Variants in KDM2B observed in about 807,000 individuals in gnomAD.
The protein encoded by KDM2B is lysine-specific demethylase 2B.
KDM2B carries 26 observed loss-of-function variants against 150.0 expected under a neutral mutation model. The ratio of observed to expected loss-of-function variants is 0.17; its 90% CI spans 0.13 to 0.24. KDM2B has a LOEUF of 0.24. Ranked by LOEUF, KDM2B falls within the 10% of genes least tolerant of loss-of-function variation. The pLI is 1.00. For missense variants in KDM2B, 1,265 were observed against 1,816.9 expected, an observed-to-expected ratio of 0.70 and a Z score of 5.52; for synonymous variants, 734 against 729.5, an observed-to-expected ratio of 1.01 and a Z score of -0.10.
At chr12:121,429,032 T>C (rs1467000704), downstream of KDM2B, 2 of 152,556 alleles carry the variant, frequency 1.3e-5, no homozygotes, top group East Asian at 3.8e-4. Context: ...ACAGCTTGCT[T>C]GCTTTCTGAA....
chr12:121,579,054 C>A, intron 1 of KDM2B, 108 bp from the exon 2 acceptor site: 1 of 1,245,548 alleles, frequency 8.0e-7, no homozygotes, highest in Middle Eastern at 2.0e-4. Context: ...GCCCCCTGCA[C>A]CCCACCATTG....
intron 11 of KDM2B, among the ~76,000 whole-genome samples, chr12:121,495,086 C>T (rs1555300719): frequency 6.6e-6 from 1 of 151,666 alleles, no homozygotes; most frequent in Non-Finnish European, 1.5e-5. Context: ...CATCCTTGAC[C>T]ACCTGGATCA....
At chr12:121,488,957 C>T (rs1003309717) in intron 12 of KDM2B, among the ~76,000 whole-genome samples, 2 of 152,114 alleles carry the variant, frequency 1.3e-5, no homozygotes, top group Non-Finnish European at 2.9e-5. Context: ...TACAGGCGTA[C>T]ACCACCACGC....
chr12:121,548,068 T>C (rs1394645243), intron 6 of KDM2B, among the ~76,000 whole-genome samples: 1 of 152,172 alleles, frequency 6.6e-6, no homozygotes, highest in African/African-American at 2.4e-5. Flanking sequence ...TGTTAAATAA[T>C]CAGTCTCAGG....
intron 8 of KDM2B, among the ~76,000 whole-genome samples, chr12:121,530,218 A>T (rs1338114968): frequency 8.0e-6 from 1 of 124,822 alleles, no homozygotes; most frequent in Non-Finnish European, 1.6e-5. Flanking sequence ...ACAGAGCAAG[A>T]CTCCCTCTCA....
intron 4 of KDM2B, among the ~76,000 whole-genome samples, chr12:121,563,428 G>A (rs1341913114): frequency 6.6e-6 from 1 of 151,714 alleles, no homozygotes; most frequent in Non-Finnish European, 1.5e-5. Context: ...CCAATATGGT[G>A]AAACCCCATC....
At chr12:121,440,111 C>G (rs781917053) in intron 21 of KDM2B, 36 bp from the exon 22 acceptor site, 1 of 1,523,628 alleles carries the variant, frequency 6.6e-7, no homozygotes, top group Non-Finnish European at 8.9e-7. Flanking sequence ...ACCCGTCAAT[C>G]TGACCGAGGA....
At chr12:121,558,455 C>CT (rs62698361) in intron 4 of KDM2B, among the ~76,000 whole-genome samples, 61,815 of 135,476 alleles carry the variant, frequency 0.46, 15,066 homozygotes, top group African/African-American at 0.62. Flanking sequence ...TTTTCTTTTT[C>CT]TTTTTTTTTT....
rs1204535789 is a variant in KDM2B at position 121,429,573 on chromosome 12, C to T, written c.*715G>A. Reference sequence around the variant, plus strand: ...ATAATTTACATTTATCCACAACATGCTCATGTAACTCTTGAGGTACAAAGC... The same window carrying T: ...ATAATTTACATTTATCCACAACATGTTCATGTAACTCTTGAGGTACAAAGC... On this transcript the variant is annotated 3_prime_UTR_variant, in exon 23 of 23. Coordinates refer to ENST00000377071, the MANE Select transcript of KDM2B (RefSeq NM_032590.5). 1 of 167,790 alleles carries T rather than the reference C, an allele frequency of 6.0e-6. No homozygotes were observed. The highest frequency in any genetic ancestry group is 1.3e-5 in the Non-Finnish European group (1 of 77,696). The allele number at this position is 167,790 out of a possible 1,614,324, so 10.4% of individuals were successfully genotyped here. A position where few individuals can be genotyped will look rare whatever the true frequency, so the allele number is the denominator to read the frequency against.
At chr12:121,528,748 C>T (rs535713954) in intron 8 of KDM2B, among the ~76,000 whole-genome samples, 1 of 152,152 alleles carries the variant, frequency 6.6e-6, no homozygotes, top group Admixed American at 6.5e-5. Flanking sequence ...CAAAAATTAG[C>T]CAGGCGTGGC....
intron 8 of KDM2B, among the ~76,000 whole-genome samples, chr12:121,523,950 C>T (rs60509490): frequency 5.3e-5 from 8 of 152,180 alleles, no homozygotes; most frequent in East Asian, 1.9e-4. Flanking sequence ...TCTCCACATC[C>T]GCTTCAGTCT....
At chr12:121,472,271 G>A (rs1555296028) in intron 12 of KDM2B, among the ~76,000 whole-genome samples, 3 of 152,130 alleles carry the variant, frequency 2.0e-5, no homozygotes, top group Non-Finnish European at 2.9e-5. Flanking sequence ...CCCCCTTAAC[G>A]GCAAAAGCAG....
chr12:121,580,866 G>T lies in KDM2B; in HGVS notation c.46C>A (p.Arg16=), dbSNP rs376781406. The stretch of plus-strand genomic sequence containing the variant: ...TGCTTTTCTGCTGCATGTCTTTTTC[G>T]TGGGGGGTGATCCTCTGCAGATCCC... ...MGGSAEDHPP[R]KRHAAEKQKK... Residue 16 remains arginine, a synonymous_variant, in exon 1 of 23, where the codon CGA becomes AGA. Transcript: ENST00000377071. 3.1e-6 allele frequency: 5 copies of T among 1,613,762 alleles called. No individual in the cohort carries two copies. The highest frequency in any genetic ancestry group is 4.2e-6 in the Non-Finnish European group (5 of 1,179,896).
chr12:121,571,496 C>T (rs1340049945), intron 4 of KDM2B, among the ~76,000 whole-genome samples: 1 of 151,870 alleles, frequency 6.6e-6, no homozygotes, highest in Non-Finnish European at 1.5e-5. Context: ...ATCATGTTGG[C>T]CAGGCTGGTC....
chr12:121,422,537 C>T, the KDM2B span, among the ~76,000 whole-genome samples: 3 of 152,190 alleles, frequency 2.0e-5, no homozygotes, highest in African/African-American at 7.2e-5. Context: ...GAACTAAGAC[C>T]CCAGATCACA....
At chr12:121,560,776 C>G (rs80129197) in intron 4 of KDM2B, among the ~76,000 whole-genome samples, 5,324 of 152,186 alleles carry the variant, frequency 0.035, 242 homozygotes, top group South Asian at 0.14. Context: ...GGCTGAGTCT[C>G]TAAGCAAGAG....
At chr12:121,550,235 G>A (rs142019749) in intron 4 of KDM2B, among the ~76,000 whole-genome samples, 3,322 of 151,982 alleles carry the variant, frequency 0.022, 91 homozygotes, top group African/African-American at 0.07. Context: ...GCTTGAACCC[G>A]GAAGGCAGAG....
chr12:121,421,371 T>TAAAAAAAAAAAA, the KDM2B span, among the ~76,000 whole-genome samples: 1 of 46,370 alleles, frequency 2.2e-5, no homozygotes, highest in Non-Finnish European at 4.4e-5. Context: ...ATCCCATCTC[T>TAAAAAAAAAAAA]AAAAAAAAAA....
intron 12 of KDM2B, among the ~76,000 whole-genome samples, chr12:121,466,189 C>T (rs1879886336): frequency 6.6e-6 from 1 of 152,104 alleles, no homozygotes; most frequent in South Asian, 2.1e-4. Context: ...ACACCTTTAT[C>T]CCACCAGGAT....
Sources: gnomAD v4.1 joint callset for allele counts (sites outside exome capture counted in the v4.1 genomes callset) on GRCh38, gnomAD v4.1.1 for gene constraint, MANE v1.5 for transcripts, NCBI Gene and HGNC (gene_info 2026-07-23, HGNC 2026-07-21) for gene names.